Variants in SEPTIN9 observed in about 807,000 individuals in gnomAD.
The protein encoded by SEPTIN9 is septin 9, also known as septin-9.
A neutral mutation model predicts 56.6 loss-of-function variants in SEPTIN9; 13 were observed. That is an observed-to-expected ratio of 0.23 (90% CI 0.15 to 0.37). The LOEUF (loss-of-function observed/expected upper bound fraction) is 0.37, where lower values mean the gene tolerates loss of function less well. SEPTIN9 is among the 10% of genes least tolerant of loss of function. The pLI, the probability that SEPTIN9 is intolerant of heterozygous loss-of-function variation, is 1.00. For missense variants in SEPTIN9, 650 were observed against 823.1 expected (o/e 0.79, Z 2.57); for synonymous variants, 332 against 334.1 (o/e 0.99, Z 0.07).
At chr17:77,414,658 A>C (rs941407065) in intron 3 of SEPTIN9, among the ~76,000 whole-genome samples, 12 of 147,714 alleles carry the variant, frequency 8.1e-5, no homozygotes, top group African/African-American at 3.0e-4. Flanking sequence ...GCTCACTGCA[A>C]CCTCCACCTC....
chr17:77,489,907 C>T (rs1344392211), intron 7 of SEPTIN9, among the ~76,000 whole-genome samples: 2 of 152,222 alleles, frequency 1.3e-5, no homozygotes, highest in Non-Finnish European at 2.9e-5. Flanking sequence ...GTTCCAGCTG[C>T]TCCAAGCTTT....
intron 2 of SEPTIN9, among the ~76,000 whole-genome samples, chr17:77,352,938 T>C (rs1054383572): frequency 2.0e-5 from 3 of 152,212 alleles, no homozygotes; most frequent in African/African-American, 7.2e-5. Context: ...CATGAGCTGC[T>C]GTGCCCAGCC....
intron 3 of SEPTIN9, among the ~76,000 whole-genome samples, chr17:77,417,047 T>C (rs7208671): frequency 0.37 from 56,955 of 152,138 alleles, 11,223 homozygotes; most frequent in African/African-American, 0.43. Context: ...CCAGACTATC[T>C]GGATTTGAAT....
In SEPTIN9 at chr17:77,449,162, T is replaced by G. The variant is rs1409180189; in HGVS notation, c.722-32982T>G. The stretch of plus-strand genomic sequence containing the variant: ...CCCATGTGCCGTTTCTGCTGGAGGG[T>G]TGGACCGAGGGCCAGCCGAGAAGGC... On this transcript the variant is annotated intron_variant, in intron 3 of 11. Transcript: ENST00000427177. The surrounding 1 kb of genome is among the most constrained non-coding windows in gnomAD (Gnocchi z 4.6). Among the ~76,000 whole-genome samples, 1 of 152,024 alleles carries G rather than the reference T, an allele frequency of 6.6e-6. No homozygotes were observed. Among genetic ancestry groups the G allele is most frequent in the African/African-American group, 2.4e-5 (1 of 41,392 alleles).
intron 3 of SEPTIN9, among the ~76,000 whole-genome samples, chr17:77,411,791 A>C (rs1254768415): frequency 6.6e-6 from 1 of 152,178 alleles, no homozygotes; most frequent in African/African-American, 2.4e-5. Context: ...CACATGACTG[A>C]AGGATGAGCT....
intron 3 of SEPTIN9, among the ~76,000 whole-genome samples, chr17:77,424,441 C>A (rs536902734): frequency 2.7e-4 from 41 of 152,338 alleles, no homozygotes; most frequent in African/African-American, 9.6e-4. Flanking sequence ...GACACCTCCA[C>A]GGCCCACCTG....
intron 3 of SEPTIN9, among the ~76,000 whole-genome samples, chr17:77,464,358 G>A (rs527770424): frequency 6.6e-6 from 1 of 152,048 alleles, no homozygotes; most frequent in Non-Finnish European, 1.5e-5. Flanking sequence ...GATTACAGGC[G>A]TGAGCCACCA....
intron 1 of SEPTIN9, among the ~76,000 whole-genome samples, chr17:77,284,203 A>T (rs1024645417): frequency 6.6e-6 from 1 of 152,184 alleles, no homozygotes; most frequent in Non-Finnish European, 1.5e-5. Context: ...CTGAGACAGG[A>T]GGATCGCTTG....
chr17:77,327,578 G>A lies in SEPTIN9; in HGVS notation c.76+20381G>A, dbSNP rs1337480596. ...GGGCTGGGTATGGGAGGGGATCGTG[G>A]GTGGGGAGATTCCTCTTAACCAGCG... On this transcript the variant is annotated intron_variant, in intron 2 of 11. Coordinates refer to ENST00000427177, the MANE Select transcript of SEPTIN9 (RefSeq NM_001113491.2). This position sits in a 1 kb window ranked among gnomAD's most constrained non-coding sequence, Gnocchi z 5.0. 6.6e-6 allele frequency among the ~76,000 whole-genome samples: 1 copy of A among 152,156 alleles called. No individual in the cohort carries two copies. The highest frequency in any genetic ancestry group is 1.5e-5 in the Non-Finnish European group (1 of 68,020).
At chr17:77,378,179 C>T (rs2035002197) in intron 2 of SEPTIN9, among the ~76,000 whole-genome samples, 1 of 152,130 alleles carries the variant, frequency 6.6e-6, no homozygotes, top group Non-Finnish European at 1.5e-5. Context: ...TGGGTGACTG[C>T]AGGCTGGAAA....
intron 2 of SEPTIN9, among the ~76,000 whole-genome samples, chr17:77,342,042 C>T (rs28728017): frequency 0.046 from 6,809 of 149,100 alleles, 269 homozygotes; most frequent in Admixed American, 0.13. Context: ...GAGATCGCGC[C>T]GCTGCACTCC....
chr17:77,382,875 CCGCTG>C (rs201283923), intron 2 of SEPTIN9, among the ~76,000 whole-genome samples: 40 of 152,106 alleles, frequency 2.6e-4, no homozygotes, highest in African/African-American at 9.4e-4. Context: ...CTCCCTAGCC[CCGCTG>C]CCCTGCCTGG....
rs180982115 is a variant in SEPTIN9, at chr17:77,471,971, C to T, written c.722-10173C>T. Among the ~76,000 whole-genome samples the T allele has an allele frequency of 2.0e-5, 3 of 152,122 alleles. No homozygotes were observed. The East Asian group carries it at 5.8e-4, about 30-fold the overall frequency. ...AAACAGAATATAAAATAGCCCCCCC[C>T]ACCACACACCGCACCAGAAGTCAGA... On this transcript the variant is annotated intron_variant, in intron 3 of 11. Transcript: ENST00000427177.
Position 77,291,374 on chromosome 17 carries a change from G to A in SEPTIN9, c.19+9820G>A, listed in dbSNP as rs927525199. Among the ~76,000 whole-genome samples the A allele has an allele frequency of 2.6e-5, 4 of 151,416 alleles. No individual in the cohort carries two copies. The East Asian group carries it at 6.1e-4, about 23-fold the overall frequency. ...TAAAAAATTTTTGTAGCAGCCGGGC[G>A]CGGTGGCTCATGCCTGTAATCCTAG... On this transcript the variant is annotated intron_variant, in intron 1 of 11. Transcript: ENST00000427177.
chr17:77,477,242 C>T (rs2039253297), intron 3 of SEPTIN9, among the ~76,000 whole-genome samples: 1 of 152,046 alleles, frequency 6.6e-6, no homozygotes, highest in African/African-American at 2.4e-5. Flanking sequence ...CTTCTATAAG[C>T]ATCACCTCTA....
In SEPTIN9 at chr17:77,323,283, C is replaced by T. The variant is rs1215361765; in HGVS notation, c.76+16086C>T. On this transcript the variant is annotated intron_variant, in intron 2 of 11. Transcript: ENST00000427177. This position sits in a 1 kb window ranked among gnomAD's most constrained non-coding sequence, Gnocchi z 6.8. ...TGACTGGCCGCTGAGGCATGGAAGG[C>T]CACTCCTTCCAGCCAAGGGTCGGAG... Among the ~76,000 whole-genome samples the T allele has an allele frequency of 6.6e-6, 1 of 152,146 alleles. No individual in the cohort carries two copies. The highest frequency in any genetic ancestry group is 1.5e-5 in the Non-Finnish European group (1 of 68,022).
chr17:77,307,062 A>T (rs891395901), intron 1 of SEPTIN9, 79 bp from the exon 2 acceptor site: 2 of 1,328,668 alleles, frequency 1.5e-6, no homozygotes, highest in Non-Finnish European at 2.2e-6. Flanking sequence ...AGGCGAGGAC[A>T]TTCCTGGTGT....
At chr17:77,462,798 C>G (rs1181653125) in intron 3 of SEPTIN9, among the ~76,000 whole-genome samples, 1 of 152,198 alleles carries the variant, frequency 6.6e-6, no homozygotes, top group Non-Finnish European at 1.5e-5. Flanking sequence ...TGTGCCACCA[C>G]ACCCGGCTGA....
chr17:77,376,588 G>C (rs891621474), intron 2 of SEPTIN9: 3 of 166,166 alleles, frequency 1.8e-5, no homozygotes, highest in Non-Finnish European at 3.7e-5. Context: ...TTTTCCAATC[G>C]AGCAGACGTC....
Sources: allele counts gnomAD v4.1 joint callset (sites outside exome capture counted in the v4.1 genomes callset), GRCh38; gene constraint gnomAD v4.1.1; non-coding constraint Gnocchi (gnomAD v3.1); transcripts MANE v1.5; gene names NCBI Gene and HGNC (gene_info 2026-07-23, HGNC 2026-07-21).